The following SHMT1 variants were observed in gnomAD, a reference collection of about 807,000 sequenced individuals.
The protein encoded by SHMT1 is serine hydroxymethyltransferase 1.
Under a neutral mutation model 49.0 loss-of-function variants are expected in SHMT1, and 45 were observed. The observed-to-expected ratio is 0.92, with a 90% CI of 0.72 to 1.18. The LOEUF is 1.18. Ranked by LOEUF, SHMT1 falls within the 50% of genes most tolerant of loss-of-function variation. SHMT1 has a pLI of 0.00. For synonymous variants in SHMT1, 232 were observed against 246.6 expected (o/e 0.94, Z 0.55); for missense variants, 541 against 612.4 (o/e 0.88, Z 1.23).
chr17:18,353,317 C>T (rs971504754), intron 3 of SHMT1, among the ~76,000 whole-genome samples: 7 of 152,198 alleles, frequency 4.6e-5, no homozygotes, highest in Non-Finnish European at 1.0e-4. Context: ...AATACAGACT[C>T]GATGACTCAC....
chr17:18,350,881 C>T (rs1333645642), intron 3 of SHMT1, among the ~76,000 whole-genome samples: 1 of 151,006 alleles, frequency 6.6e-6, no homozygotes, highest in Admixed American at 6.6e-5. Flanking sequence ...TACAGGCACG[C>T]ACCTCCACAC....
chr17:18,330,711 C>G, intron 9 of SHMT1, 40 bp from the exon 10 acceptor site: 1 of 1,414,332 alleles, frequency 7.1e-7, no homozygotes, highest in Non-Finnish European at 1.0e-6. Context: ...CAGGCGAATT[C>G]TATGCCGTGA....
In SHMT1 at chr17:18,340,278, G is replaced by A. The variant is rs1363509847; in HGVS notation, c.602-23C>T. 6.2e-7 allele frequency: 1 copy of A among 1,612,208 alleles called. No individual in the cohort carries two copies. The highest frequency in any genetic ancestry group is 8.5e-7 in the Non-Finnish European group (1 of 1,178,608). On this transcript the variant is annotated intron_variant, in intron 6 of 11. Transcript: ENST00000316694. The surrounding 1 kb of genome is among the most constrained non-coding windows in gnomAD (Gnocchi z 4.5). ...TTCCTGAGACAGGAAAGGTGACACA[G>A]CTGCATCAGAGATGTCCACCGGCCA...
intron 3 of SHMT1, among the ~76,000 whole-genome samples, chr17:18,350,028 T>G (rs751229911): frequency 6.9e-6 from 1 of 145,928 alleles, no homozygotes; most frequent in African/African-American, 2.6e-5. Context: ...CTCAAAAAAA[T>G]AAAAATAGAT....
chr17:18,338,444 G>T (rs531836092), intron 7 of SHMT1, among the ~76,000 whole-genome samples: 109 of 145,362 alleles, frequency 7.5e-4, no homozygotes, highest in African/African-American at 2.7e-3. Flanking sequence ...TCCAGGAGGT[G>T]GGGGGGCGCC....
At chr17:18,329,250 G>A in intron 11 of SHMT1, 28 bp downstream of exon 11, 1 of 1,479,738 alleles carries the variant, frequency 6.8e-7, no homozygotes, top group South Asian at 1.1e-5. Context: ...ACAATAAGAT[G>A]TGGCAACTTC....
At chr17:18,359,654 TA>T (rs35758894) in intron 1 of SHMT1, among the ~76,000 whole-genome samples, 46 of 115,980 alleles carry the variant, frequency 4.0e-4, no homozygotes, top group Middle Eastern at 5.5e-3. Flanking sequence ...TGTGTCTCAA[TA>T]AAAAAAAAAA....
intron 1 of SHMT1, among the ~76,000 whole-genome samples, chr17:18,362,628 A>G (rs894800775): frequency 2.0e-5 from 3 of 152,052 alleles, no homozygotes; most frequent in Non-Finnish European, 4.4e-5. Flanking sequence ...CCGGCCTACA[A>G]TGTTATTTCT....
At chr17:18,356,683 T>A (rs1274451507) in intron 1 of SHMT1, among the ~76,000 whole-genome samples, 1 of 152,186 alleles carries the variant, frequency 6.6e-6, no homozygotes, top group Non-Finnish European at 1.5e-5. Context: ...TTCTATCAAG[T>A]TGATAAACTA....
At chr17:18,350,580 T>C (rs1387566459) in intron 3 of SHMT1, among the ~76,000 whole-genome samples, 2 of 151,888 alleles carry the variant, frequency 1.3e-5, no homozygotes, top group African/African-American at 4.8e-5. Context: ...GAGGCTGCAA[T>C]GAGACGAGAT....
chr17:18,354,337 T>A (rs76303872), intron 2 of SHMT1, among the ~76,000 whole-genome samples: 33,292 of 152,086 alleles, frequency 0.22, 3,825 homozygotes, highest in East Asian at 0.3. Flanking sequence ...GAGAATCACT[T>A]GAACCCGGGA....
At chr17:18,331,606 G>GGCCCATGCCATGAGAT (rs1983217296) in intron 9 of SHMT1, 1 of 152,470 alleles carries the variant, frequency 6.6e-6, no homozygotes, top group African/African-American at 2.4e-5. Context: ...GGAGAGGGCA[G>GGCCCATGCCATGAGAT]GCCCATGCCA....
rs10655994 is a variant in SHMT1, at chr17:18,344,577, GAAAAAA to G, written c.519+2913_519+2918del. Reference sequence around the variant, plus strand: ...ATTTTTTGTGTAGCCACAATTACCGGAAAAAAAAAAAAAAAAAAAAAAGCCTGTGCT... The same window carrying G: ...ATTTTTTGTGTAGCCACAATTACCGGAAAAAAAAAAAAAAAAGCCTGTGCT... On this transcript the variant is annotated intron_variant, in intron 5 of 11. Coordinates refer to ENST00000316694, the MANE Select transcript of SHMT1 (RefSeq NM_004169.5). Among the ~76,000 whole-genome samples, 406 of 65,398 alleles carry G rather than the reference GAAAAAA, an allele frequency of 6.2e-3. 3 individuals carry two copies. The highest frequency in any genetic ancestry group is 0.023 in the African/African-American group (392 of 16,774). 42.9% of individuals were successfully genotyped at this position (65,398 alleles called of 152,430 possible). A position where few individuals can be genotyped will look rare whatever the true frequency, so the allele number is the denominator to read the frequency against.
At chr17:18,343,642 G>A (rs1468078880) in intron 5 of SHMT1, among the ~76,000 whole-genome samples, 14 of 134,988 alleles carry the variant, frequency 1.0e-4, no homozygotes, top group Non-Finnish European at 2.0e-4. Context: ...GGGGTCAGCC[G>A]GATGCGGTGG....
At chr17:18,362,830 G>A (rs1598081469) in intron 1 of SHMT1, among the ~76,000 whole-genome samples, 3 of 152,316 alleles carry the variant, frequency 2.0e-5, no homozygotes, top group African/African-American at 4.8e-5. Flanking sequence ...GCGGGCAACA[G>A]GAAGAGCTCA....
chr17:18,348,267 C>T (rs752391707), intron 4 of SHMT1, 58 bp downstream of exon 4: 713 of 1,126,884 alleles, frequency 6.3e-4, no homozygotes, highest in Admixed American at 8.0e-4. Context: ...TGGTGCATGT[C>T]GGCCCTGGGG....
intron 5 of SHMT1, chr17:18,341,161 A>C (rs1314950987): frequency 5.9e-6 from 2 of 340,168 alleles, no homozygotes; most frequent in Non-Finnish European, 1.1e-5. Context: ...ATGCCTGCTA[A>C]TACTACTTCT....
At chr17:18,356,584 C>G (rs930441685) in intron 1 of SHMT1, among the ~76,000 whole-genome samples, 2 of 150,210 alleles carry the variant, frequency 1.3e-5, no homozygotes, top group Non-Finnish European at 3.0e-5. Flanking sequence ...CCGCCTGCCT[C>G]GGCCTCCCAA....
At chr17:18,356,285 G>A (rs1032939890) in intron 1 of SHMT1, among the ~76,000 whole-genome samples, 11 of 151,980 alleles carry the variant, frequency 7.2e-5, no homozygotes, top group South Asian at 2.1e-4. Flanking sequence ...CTTGTCATCC[G>A]CCCACGTTGG....
Sources: gnomAD v4.1 joint callset for allele counts (sites outside exome capture counted in the v4.1 genomes callset) on GRCh38, gnomAD v4.1.1 for gene constraint, Gnocchi (gnomAD v3.1) non-coding constraint, MANE v1.5 for transcripts, NCBI Gene and HGNC (gene_info 2026-07-23, HGNC 2026-07-21) for gene names.